The following CDH8 variants were observed in gnomAD, a reference collection of about 807,000 sequenced individuals.
CDH8 encodes the protein cadherin-8.
In CDH8, 17 loss-of-function variants were observed where a neutral mutation model predicts 68.1. That is an observed-to-expected ratio of 0.25 (90% confidence interval 0.17 to 0.37). The LOEUF (loss-of-function observed/expected upper bound fraction) is 0.37, where lower values mean the gene tolerates loss of function less well. Ranked by LOEUF, CDH8 falls within the 10% of genes least tolerant of loss-of-function variation. The pLI is 1.00. For synonymous variants in CDH8, 372 were observed against 365.1 expected (o/e 1.02, Z -0.21); for missense variants, 763 against 999.3 (o/e 0.76, Z 3.19).
At chr16:61,811,127 G>C (rs1961938423) in intron 7 of CDH8, among the ~76,000 whole-genome samples, 1 of 151,878 alleles carries the variant, frequency 6.6e-6, no homozygotes, top group African/African-American at 2.4e-5. Flanking sequence ...CACAAAGACA[G>C]ATATTGTGCC....
At chr16:61,853,134 A>T (rs1962975663) in intron 4 of CDH8, among the ~76,000 whole-genome samples, 1 of 152,100 alleles carries the variant, frequency 6.6e-6, no homozygotes, top group Non-Finnish European at 1.5e-5. Flanking sequence ...AAAGAAGAAA[A>T]TAAAGAACAA....
rs187158990 is a variant in CDH8, at chr16:61,918,125, A to T, written c.253-16652T>A. ...CTCACTCTCAGGATTAAAAAAAAAA[A>T]ATCCAGTTTCACGTAAGAGTGTCTT... is the stretch of plus-strand genomic sequence containing the variant. On this transcript the variant is annotated intron_variant, in intron 2 of 11. Coordinates refer to ENST00000577390, the MANE Select transcript of CDH8 (RefSeq NM_001796.5). 4.3e-4 allele frequency: 66 copies of T among 152,302 alleles called. 1 individual carries two copies. Among genetic ancestry groups the T allele is most frequent in the African/African-American group, 1.6e-3 (65 of 41,560 alleles). The allele number at this position is 152,302 out of a possible 1,614,324, so 9.4% of individuals were successfully genotyped here.
chr16:61,713,120 A>T (rs1434530363), intron 10 of CDH8, among the ~76,000 whole-genome samples: 1 of 151,542 alleles, frequency 6.6e-6, no homozygotes, highest in Non-Finnish European at 1.5e-5. Context: ...CAAGTTTTAA[A>T]TTTTTTTTAA....
At position 62,021,457 on chromosome 16, in the gene CDH8, C is replaced by T. The variant is rs1902074119; in HGVS notation, c.-54G>A. The T allele has an allele frequency of 1.3e-6, 2 of 1,556,432 alleles. No homozygotes were observed. Among genetic ancestry groups the T allele is most frequent in the Non-Finnish European group, 1.7e-6 (2 of 1,151,300 alleles). On this transcript the variant is annotated 5_prime_UTR_variant, in exon 2 of 12. Coordinates refer to ENST00000577390, the MANE Select transcript of CDH8 (RefSeq NM_001796.5). Reference sequence around the variant, plus strand: ...AAAATGAGACAATTATTTTTTTTGTCTCCGGTCTGCAGCCATCCAATTCAT... The same window carrying T: ...AAAATGAGACAATTATTTTTTTTGTTTCCGGTCTGCAGCCATCCAATTCAT...
rs529131501 is a variant in CDH8, at chr16:61,739,734, A to AAAAAGAAAAGAAAAG, written c.1415-12534_1415-12520dup. 6.9e-3 allele frequency among the ~76,000 whole-genome samples: 986 copies of AAAAAGAAAAGAAAAG among 142,048 alleles called. 13 individuals carry two copies. Among genetic ancestry groups the AAAAAGAAAAGAAAAG allele is most frequent in the African/African-American group, 0.019 (725 of 38,540 alleles). 93.2% of individuals were successfully genotyped at this position (142,048 alleles called of 152,430 possible). A position where few individuals can be genotyped will look rare whatever the true frequency, so the allele number is the denominator to read the frequency against. Reference sequence around the variant, plus strand: ...CAGAGCGAGACTCTGCCTCAAAAAAAAAAAGAAAAGAAAAGAAAAGAAAAG... The same window carrying AAAAAGAAAAGAAAAG: ...CAGAGCGAGACTCTGCCTCAAAAAAAAAAAGAAAAGAAAAGAAAAGAAAAGAAAAGAAAAGAAAAG... On this transcript the variant is annotated intron_variant, in intron 8 of 11. Coordinates refer to ENST00000577390, the MANE Select transcript of CDH8 (RefSeq NM_001796.5).
At chr16:61,698,542 TC>T (rs1395138105) in intron 10 of CDH8, among the ~76,000 whole-genome samples, 3 of 152,292 alleles carry the variant, frequency 2.0e-5, no homozygotes, top group African/African-American at 7.2e-5. Context: ...CCTCCTTTTT[TC>T]CCCTCAGGCT....
intron 2 of CDH8, among the ~76,000 whole-genome samples, chr16:61,992,178 T>G (rs1965737126): frequency 6.6e-6 from 1 of 151,564 alleles, no homozygotes; most frequent in Admixed American, 6.6e-5. Context: ...TAATATGTGG[T>G]TCAGAGATAA....
At chr16:61,703,628 CAGG>C (rs1435895901) in intron 10 of CDH8, among the ~76,000 whole-genome samples, 1 of 152,102 alleles carries the variant, frequency 6.6e-6, no homozygotes, top group African/African-American at 2.4e-5. Context: ...ATCACGAGGT[CAGG>C]AGATCGAGAC....
intron 2 of CDH8, among the ~76,000 whole-genome samples, chr16:61,985,918 CTTTTTT>C: frequency 1.1e-5 from 1 of 91,114 alleles, no homozygotes; most frequent in South Asian, 4.3e-4. Context: ...CCTTTCTTTA[CTTTTTT>C]TTTTTTTTTT....
chr16:61,954,611 G>C (rs1964954347), intron 2 of CDH8, among the ~76,000 whole-genome samples: 1 of 151,366 alleles, frequency 6.6e-6, no homozygotes, highest in Non-Finnish European at 1.5e-5. Flanking sequence ...CTGAGGCAGG[G>C]GAATGGCGTG....
intron 4 of CDH8, among the ~76,000 whole-genome samples, chr16:61,834,189 T>C (rs1309023015): frequency 6.6e-6 from 1 of 151,884 alleles, no homozygotes; most frequent in Non-Finnish European, 1.5e-5. Context: ...ACTTGAAAAC[T>C]ATTAATAATT....
chr16:61,703,077 A>G (rs79995237), intron 10 of CDH8, among the ~76,000 whole-genome samples: 3,773 of 152,320 alleles, frequency 0.025, 175 homozygotes, highest in African/African-American at 0.087. Context: ...CAAAACTCCC[A>G]AATAAAATCA....
chr16:61,987,961 T>C (rs1965655961), intron 2 of CDH8, among the ~76,000 whole-genome samples: 1 of 152,202 alleles, frequency 6.6e-6, no homozygotes, highest in Admixed American at 6.5e-5. Flanking sequence ...TAGTAAATTA[T>C]GTTTCTGGTA....
rs1470410488 is a variant in CDH8 at position 61,651,140 on chromosome 16, A to C, written c.*2468T>G. On this transcript the variant is annotated 3_prime_UTR_variant, in exon 12 of 12. Transcript: ENST00000577390. ...TTTGGGCACTTCAAAGTACACTAGA[A>C]ATGAGTCTGGTGTTCAAGAGATACA... 6.6e-6 allele frequency: 1 copy of C among 152,124 alleles called. No individual in the cohort carries two copies. Among genetic ancestry groups the C allele is most frequent in the Non-Finnish European group, 1.5e-5 (1 of 68,012 alleles). The allele number at this position is 152,124 out of a possible 1,614,324, so 9.4% of individuals were successfully genotyped here.
At chr16:61,753,758 G>A (rs1960234199) in intron 8 of CDH8, among the ~76,000 whole-genome samples, 1 of 151,950 alleles carries the variant, frequency 6.6e-6, no homozygotes, top group Non-Finnish European at 1.5e-5. Flanking sequence ...TCCAGTTATT[G>A]GGGCCAAAAT....
chr16:61,792,610 C>G (rs1208658840), intron 7 of CDH8, among the ~76,000 whole-genome samples: 5 of 151,918 alleles, frequency 3.3e-5, no homozygotes, highest in Non-Finnish European at 5.9e-5. Flanking sequence ...AAATAAAACT[C>G]TTAGGAACTA....
chr16:61,722,191 T>A (rs945609316), intron 9 of CDH8, among the ~76,000 whole-genome samples: 1 of 150,806 alleles, frequency 6.6e-6, no homozygotes, highest in African/African-American at 2.4e-5. Flanking sequence ...TCATTGTCCA[T>A]TCAGGATATT....
intron 5 of CDH8, among the ~76,000 whole-genome samples, chr16:61,823,828 C>CT (rs1236081150): frequency 1.3e-5 from 2 of 151,906 alleles, no homozygotes; most frequent in Non-Finnish European, 1.5e-5. Flanking sequence ...TCTGCTCCAG[C>CT]TGCAGTGAAA....
At chr16:61,785,074 A>C (rs1291269313) in intron 8 of CDH8, among the ~76,000 whole-genome samples, 2 of 145,192 alleles carry the variant, frequency 1.4e-5, no homozygotes, top group East Asian at 2.1e-4. Flanking sequence ...AGAAGGCAAG[A>C]AATAACTAAA....
Sources: allele counts gnomAD v4.1 joint callset (sites outside exome capture counted in the v4.1 genomes callset), GRCh38; gene constraint gnomAD v4.1.1; transcripts MANE v1.5; gene names NCBI Gene and HGNC (gene_info 2026-07-23, HGNC 2026-07-21).